Variants in TANC1 observed in about 807,000 individuals in gnomAD.
TANC1 encodes the protein protein TANC1.
In TANC1, 77 loss-of-function variants were observed where a neutral mutation model predicts 149.7. The ratio of observed to expected loss-of-function variants is 0.51; its 90% CI spans 0.43 to 0.62. The LOEUF (loss-of-function observed/expected upper bound fraction) is 0.62. TANC1 is among the 20% of genes least tolerant of loss of function. The pLI is 0.00. For missense variants in TANC1, 1,985 were observed against 2,321.8 expected, an observed-to-expected ratio of 0.85 and a Z score of 2.98; for synonymous variants, 854 against 925.0, an observed-to-expected ratio of 0.92 and a Z score of 1.39.
chr2:159,222,195 A>G (rs1028062518), intron 22 of TANC1, among the ~76,000 whole-genome samples: 1 of 152,252 alleles, frequency 6.6e-6, no homozygotes, highest in East Asian at 1.9e-4. Flanking sequence ...TAGTTTATCA[A>G]AATTAGAGAA....
intron 3 of TANC1, among the ~76,000 whole-genome samples, chr2:159,077,487 T>C (rs767414952): frequency 6.6e-6 from 1 of 152,220 alleles, no homozygotes; most frequent in Non-Finnish European, 1.5e-5. Context: ...AGATGATCAT[T>C]CAAGATATTT....
intron 2 of TANC1, among the ~76,000 whole-genome samples, chr2:159,037,747 G>A (rs1282165845): frequency 1.3e-5 from 2 of 152,156 alleles, no homozygotes; most frequent in African/African-American, 4.8e-5. Context: ...ATGCTGTTTT[G>A]GTTACTGTAG....
At chr2:159,066,258 A>T (rs1384506352) in intron 3 of TANC1, among the ~76,000 whole-genome samples, 1 of 152,076 alleles carries the variant, frequency 6.6e-6, no homozygotes, top group Non-Finnish European at 1.5e-5. Context: ...AAAAAATTTT[A>T]AAAAATTATC....
chr2:159,158,179 G>A lies in TANC1; in HGVS notation c.683-5104G>A, dbSNP rs918926572. On this transcript the variant is annotated intron_variant, in intron 7 of 26. Transcript: ENST00000263635. ...AAAACCAGCCTGGGCAACATAGGGA[G>A]ATTTTGTTTCTACAAAAAAACTTAA... Among the ~76,000 whole-genome samples the A allele has an allele frequency of 2.6e-5, 4 of 152,056 alleles. No individual in the cohort carries two copies. The South Asian group carries it at 8.3e-4, about 32-fold the overall frequency.
At chr2:159,179,240 C>T (rs1316268764) in intron 14 of TANC1, 77 bp downstream of exon 14, 16 of 1,511,518 alleles carry the variant, frequency 1.1e-5, no homozygotes, top group Non-Finnish European at 1.2e-5. Context: ...ATGTGATGCA[C>T]GTGTCTCAAT....
In TANC1 at chr2:159,176,533, T is replaced by C; in HGVS notation, c.1902+15T>C. On this transcript the variant is annotated intron_variant, in intron 13 of 26. Coordinates refer to ENST00000263635, the MANE Select transcript of TANC1 (RefSeq NM_033394.3). ...CAAATTTTCAGGTAACAAAGAATTC[T>C]CAAATCTTTCTCCAAGTCCCCATTC... The C allele has an allele frequency of 1.3e-6, 2 of 1,575,454 alleles. No individual in the cohort carries two copies. The highest frequency in any genetic ancestry group is 1.7e-6 in the Non-Finnish European group (2 of 1,162,810).
At chr2:159,055,221 A>G (rs887382441) in intron 2 of TANC1, among the ~76,000 whole-genome samples, 10 of 152,258 alleles carry the variant, frequency 6.6e-5, no homozygotes, top group African/African-American at 2.2e-4. Context: ...GGCCCTAGCC[A>G]CGCCTTCTAC....
chr2:159,195,344 T>C (rs543311854), intron 17 of TANC1, among the ~76,000 whole-genome samples: 41 of 152,298 alleles, frequency 2.7e-4, no homozygotes, highest in African/African-American at 9.4e-4. Flanking sequence ...GGTCTTGAAC[T>C]CCTGACCTCA....
At position 159,169,265 on chromosome 2, in the gene TANC1, A is replaced by C. The variant is rs771392843; in HGVS notation, c.962A>C (p.Lys321Thr). ...AATATTACAGCAACAAGCTCAACCA[A>C]ATTGGAAGATCTGAGTTATTTAGAC... is the stretch of plus-strand genomic sequence containing the variant. Reference protein sequence around the residue: ...PNSVAATSSTKLEDLSYLDGQ... With the variant: ...PNSVAATSSTTLEDLSYLDGQ... Residue 321 changes from lysine (K) to threonine (T), a missense_variant, in exon 9 of 27, where the codon AAA (lysine) becomes ACA (threonine). By Grantham distance (78) the Lys-to-Thr change is moderately conservative. This residue lies in a region of TANC1 where 557 missense variants were observed against 612.9 expected (regional missense o/e 0.91). Transcript: ENST00000263635. 2 of 1,613,834 alleles carry C rather than the reference A, an allele frequency of 1.2e-6. No homozygotes were observed. The highest frequency in any genetic ancestry group is 3.3e-5 in the Admixed American group (2 of 60,010).
intron 2 of TANC1, among the ~76,000 whole-genome samples, chr2:159,042,001 G>A (rs2040680159): frequency 6.6e-6 from 1 of 152,118 alleles, no homozygotes; most frequent in African/African-American, 2.4e-5. Flanking sequence ...GTTCATGTAG[G>A]GTTCTCCTCT....
chr2:159,187,107 G>C, intron 16 of TANC1, 83 bp downstream of exon 16: 1 of 1,531,372 alleles, frequency 6.5e-7, no homozygotes, highest in African/African-American at 1.4e-5. Context: ...GTTTCCCTCT[G>C]CCCTGGGTGG....
At chr2:158,998,253 A>G (rs2036312171) in intron 1 of TANC1, among the ~76,000 whole-genome samples, 1 of 152,066 alleles carries the variant, frequency 6.6e-6, no homozygotes, top group Admixed American at 6.6e-5. Flanking sequence ...CTCAAAAAAA[A>G]AAAGAAAAAA....
At chr2:159,211,618 ATTC>A (rs1406839378) in intron 19 of TANC1, among the ~76,000 whole-genome samples, 1 of 152,212 alleles carries the variant, frequency 6.6e-6, no homozygotes, top group Non-Finnish European at 1.5e-5. Context: ...GTGGGTGGCT[ATTC>A]TTCAGTCTCT....
intron 1 of TANC1, among the ~76,000 whole-genome samples, chr2:158,977,102 C>T (rs2033772055): frequency 6.6e-6 from 1 of 151,698 alleles, no homozygotes; most frequent in African/African-American, 2.4e-5. Context: ...TAAATTTTTT[C>T]CCCTGAAATT....
intron 2 of TANC1, chr2:159,060,229 AG>A: frequency 4.9e-6 from 1 of 203,378 alleles, no homozygotes; most frequent in Non-Finnish European, 8.7e-6. Context: ...CTTAGTTTAC[AG>A]TGTTTCACTT....
At chr2:159,069,765 C>CTTTTTT (rs67843631) in intron 3 of TANC1, among the ~76,000 whole-genome samples, 26 of 109,366 alleles carry the variant, frequency 2.4e-4, no homozygotes. Flanking sequence ...TATGTGCAAG[C>CTTTTTT]TTTTTTTTTT....
At chr2:159,132,261 G>A (rs1487386282) in intron 4 of TANC1, among the ~76,000 whole-genome samples, 1 of 152,176 alleles carries the variant, frequency 6.6e-6, no homozygotes, top group East Asian at 1.9e-4. Context: ...TGCCTTGTGT[G>A]ACCACTGAAT....
At chr2:159,157,907 A>G (rs912006405) in intron 7 of TANC1, among the ~76,000 whole-genome samples, 3 of 152,200 alleles carry the variant, frequency 2.0e-5, no homozygotes, top group Admixed American at 6.5e-5. Flanking sequence ...CCTTATGTCT[A>G]ATTTTCTCTG....
At chr2:159,152,422 C>T (rs62171103) in intron 7 of TANC1, among the ~76,000 whole-genome samples, 12 of 151,014 alleles carry the variant, frequency 7.9e-5, no homozygotes, top group Admixed American at 7.9e-4. Context: ...TTCTTTTGAA[C>T]ATCCTGGCCA....
Sources: gnomAD v4.1 joint callset for allele counts (sites outside exome capture counted in the v4.1 genomes callset) on GRCh38, gnomAD v4.1.1 for gene constraint, gnomAD v4.1.1 regional missense constraint, MANE v1.5 for transcripts, NCBI Gene and HGNC (gene_info 2026-07-23, HGNC 2026-07-21) for gene names.